The following SLC7A14 variants were observed in gnomAD, a reference collection of about 807,000 sequenced individuals.
SLC7A14 encodes gamma-aminobutyric acid transporter SLC7A14.
In SLC7A14, 37 loss-of-function variants were observed where a neutral mutation model predicts 60.2. The observed-to-expected ratio is 0.61, with a 90% CI of 0.47 to 0.81. SLC7A14 has a LOEUF of 0.81. SLC7A14 is among the 30% of genes least tolerant of loss of function. The probability of loss-of-function intolerance (pLI) is 0.00; values close to 1 mark genes in which losing one functional copy is unlikely to be tolerated. For missense variants in SLC7A14, 886 were observed against 982.7 expected (o/e 0.90, Z 1.32); for synonymous variants, 399 against 395.8 (o/e 1.01, Z -0.10).
intron 1 of SLC7A14, among the ~76,000 whole-genome samples, chr3:170,578,395 A>G (rs1184474957): frequency 6.6e-6 from 1 of 152,238 alleles, no homozygotes; most frequent in Non-Finnish European, 1.5e-5. Flanking sequence ...AAATTGAGCT[A>G]AAATAGAAAT....
intron 1 of SLC7A14, among the ~76,000 whole-genome samples, chr3:170,556,958 T>C (rs113898187): frequency 1.4e-4 from 21 of 152,166 alleles, no homozygotes; most frequent in African/African-American, 5.1e-4. Context: ...AATGGATGAA[T>C]GGGAGTCTCA....
chr3:170,509,681 A>G (rs1712905061), intron 2 of SLC7A14, among the ~76,000 whole-genome samples: 1 of 149,840 alleles, frequency 6.7e-6, no homozygotes, highest in East Asian at 2.0e-4. Flanking sequence ...GTGGTGGTGC[A>G]TGGTTGTAAT....
chr3:170,527,758 T>C (rs1474879453), intron 1 of SLC7A14, among the ~76,000 whole-genome samples: 1 of 152,146 alleles, frequency 6.6e-6, no homozygotes, highest in Non-Finnish European at 1.5e-5. Flanking sequence ...ATGTGAGTTG[T>C]GTAGGATGTT....
chr3:170,583,518 G>A (rs531279371), intron 1 of SLC7A14, among the ~76,000 whole-genome samples: 1 of 152,224 alleles, frequency 6.6e-6, no homozygotes, highest in African/African-American at 2.4e-5. Flanking sequence ...GAAAGGCCCT[G>A]GGCCTGGAAT....
chr3:170,532,019 C>T lies in SLC7A14; in HGVS notation c.-152-4931G>A, dbSNP rs548015716. On this transcript the variant is annotated intron_variant, in intron 1 of 7. Coordinates refer to ENST00000231706, the MANE Select transcript of SLC7A14 (RefSeq NM_020949.3). The surrounding 1 kb of genome is among the most constrained non-coding windows in gnomAD (Gnocchi z 4.0). ...TTTGGAGGTGAGGAGAGGAAGGAAACGAAGGCTAACAAAACAGTAAACAGC... is the reference window on the plus strand; with the variant it reads ...TTTGGAGGTGAGGAGAGGAAGGAAATGAAGGCTAACAAAACAGTAAACAGC... Among the ~76,000 whole-genome samples the T allele has an allele frequency of 1.3e-4, 20 of 152,198 alleles. No homozygotes were observed. In the East Asian group the frequency reaches 2.9e-3, roughly 22 times the overall value.
intron 4 of SLC7A14, among the ~76,000 whole-genome samples, 192 bp from the exon 5 acceptor site, chr3:170,486,560 C>G (rs1424269968): frequency 6.6e-6 from 1 of 152,160 alleles, no homozygotes; most frequent in South Asian, 2.1e-4. Flanking sequence ...GGGCAACTCT[C>G]TTATGATGTG....
intron 1 of SLC7A14, among the ~76,000 whole-genome samples, chr3:170,582,801 C>T (rs897044645): frequency 6.6e-6 from 1 of 152,050 alleles, no homozygotes; most frequent in African/African-American, 2.4e-5. Context: ...TGTTTTGGAG[C>T]AGGATGGAAC....
chr3:170,512,057 G>A (rs545473611), intron 2 of SLC7A14, among the ~76,000 whole-genome samples: 5 of 152,266 alleles, frequency 3.3e-5, no homozygotes, highest in East Asian at 1.9e-4. Context: ...TCTCCTACCC[G>A]AATATTTCTC....
chr3:170,531,914 G>A (rs932258780), intron 1 of SLC7A14, among the ~76,000 whole-genome samples: 2 of 152,118 alleles, frequency 1.3e-5, no homozygotes, highest in Non-Finnish European at 2.9e-5. Flanking sequence ...GATAAAAGCA[G>A]GTTTGTTTCA....
intron 1 of SLC7A14, among the ~76,000 whole-genome samples, chr3:170,572,060 CAA>C (rs765897392): frequency 5.0e-5 from 4 of 80,692 alleles, no homozygotes; most frequent in Non-Finnish European, 7.6e-5. Context: ...GACTCTGTCT[CAA>C]AAAAAAAAAA....
chr3:170,582,453 T>C (rs562789051), intron 1 of SLC7A14, among the ~76,000 whole-genome samples: 1 of 152,308 alleles, frequency 6.6e-6, no homozygotes, highest in African/African-American at 2.4e-5. Context: ...AATTAAAATT[T>C]AATTATAAAT....
At chr3:170,500,216 G>C (rs777938375) in intron 3 of SLC7A14, among the ~76,000 whole-genome samples, 1 of 152,082 alleles carries the variant, frequency 6.6e-6, no homozygotes, top group Non-Finnish European at 1.5e-5. Context: ...GCCAAGGTGG[G>C]TGGATCACAA....
chr3:170,489,886 A>G (rs1712158689), intron 4 of SLC7A14, among the ~76,000 whole-genome samples: 1 of 152,108 alleles, frequency 6.6e-6, no homozygotes, highest in Admixed American at 6.6e-5. Flanking sequence ...GGATCTAAAA[A>G]TAAAAACAAT....
At chr3:170,567,967 A>G (rs552099634) in intron 1 of SLC7A14, among the ~76,000 whole-genome samples, 4,514 of 151,964 alleles carry the variant, frequency 0.03, 223 homozygotes, top group African/African-American at 0.1. Flanking sequence ...TTGCCTGTTC[A>G]TTCTGATGGT....
chr3:170,498,159 C>T (rs577564983), intron 4 of SLC7A14, among the ~76,000 whole-genome samples: 3 of 152,332 alleles, frequency 2.0e-5, no homozygotes, highest in Admixed American at 6.5e-5. Context: ...TCTTCTTGAT[C>T]TCTCTTAGTA....
At chr3:170,518,838 T>C (rs1278029935) in intron 2 of SLC7A14, among the ~76,000 whole-genome samples, 1 of 152,094 alleles carries the variant, frequency 6.6e-6, no homozygotes, top group Non-Finnish European at 1.5e-5. Context: ...TGCCCATCCA[T>C]GGGGCTAAAA....
chr3:170,581,947 T>G (rs1028802576), intron 1 of SLC7A14, among the ~76,000 whole-genome samples: 1 of 152,192 alleles, frequency 6.6e-6, no homozygotes, highest in African/African-American at 2.4e-5. Flanking sequence ...CACATGTTAT[T>G]ACATATACAT....
intron 7 of SLC7A14, among the ~76,000 whole-genome samples, chr3:170,475,901 C>T (rs1025939475): frequency 2.0e-5 from 3 of 151,972 alleles, no homozygotes; most frequent in South Asian, 2.1e-4. Flanking sequence ...TTAGTAGAGA[C>T]GGAGTTTCAC....
chr3:170,520,480 C>T (rs1206469193), intron 2 of SLC7A14, among the ~76,000 whole-genome samples: 1 of 152,186 alleles, frequency 6.6e-6, no homozygotes, highest in Non-Finnish European at 1.5e-5. Flanking sequence ...AGAGAAGAGG[C>T]AATTTCTTGC....
Sources: gnomAD v4.1 joint callset for allele counts (sites outside exome capture counted in the v4.1 genomes callset) on GRCh38, gnomAD v4.1.1 for gene constraint, Gnocchi (gnomAD v3.1) non-coding constraint, MANE v1.5 for transcripts, NCBI Gene and HGNC (gene_info 2026-07-23, HGNC 2026-07-21) for gene names.